Variants in GRIK1 observed in about 807,000 individuals in gnomAD.
GRIK1 encodes glutamate ionotropic receptor kainate type subunit 1, also known as glutamate receptor ionotropic, kainate 1.
GRIK1 carries 69 observed loss-of-function variants against 105.7 expected under a neutral mutation model. The ratio of observed to expected loss-of-function variants is 0.65; its 90% CI spans 0.54 to 0.80. The LOEUF (loss-of-function observed/expected upper bound fraction) is 0.80, where lower values mean the gene tolerates loss of function less well. Among genes scored for constraint, GRIK1 ranks in the 30% least tolerant of loss-of-function variants. The pLI is 0.00. For synonymous variants in GRIK1, 438 were observed against 431.3 expected, an observed-to-expected ratio of 1.02 and a Z score of -0.19; for missense variants, 1,109 against 1,167.3, an observed-to-expected ratio of 0.95 and a Z score of 0.73.
At chr21:29,871,882 A>G (rs949298855) in intron 1 of GRIK1, among the ~76,000 whole-genome samples, 2 of 148,404 alleles carry the variant, frequency 1.3e-5, no homozygotes, top group African/African-American at 5.0e-5. Flanking sequence ...TCCCACTTCA[A>G]CCTCCCAAGT....
intron 1 of GRIK1, among the ~76,000 whole-genome samples, chr21:29,840,445 A>G (rs1195101495): frequency 6.6e-6 from 1 of 152,022 alleles, no homozygotes; most frequent in African/African-American, 2.4e-5. Flanking sequence ...TTTTTTTTAC[A>G]CATAATTTTT....
intron 10 of GRIK1, among the ~76,000 whole-genome samples, chr21:29,590,110 A>G (rs2061311648): frequency 6.6e-6 from 1 of 152,332 alleles, no homozygotes; most frequent in Admixed American, 6.5e-5. Flanking sequence ...TATAAAATAT[A>G]ATAGTTGCTA....
intron 1 of GRIK1, among the ~76,000 whole-genome samples, chr21:29,745,258 A>G (rs2065022584): frequency 1.3e-5 from 2 of 152,306 alleles, no homozygotes; most frequent in Admixed American, 6.5e-5. Flanking sequence ...AGACTTGAAT[A>G]CTGTCAACAA....
At chr21:29,936,538 C>T (rs1375745053) in intron 1 of GRIK1, among the ~76,000 whole-genome samples, 1 of 152,176 alleles carries the variant, frequency 6.6e-6, no homozygotes, top group Non-Finnish European at 1.5e-5. Flanking sequence ...CCAGCAGCTC[C>T]ACACAATTCC....
intron 3 of GRIK1, 48 bp from the exon 4 acceptor site, chr21:29,673,212 A>C (rs1447783961): frequency 7.7e-7 from 1 of 1,304,220 alleles, no homozygotes; most frequent in Admixed American, 1.9e-5. Context: ...CTGTCGACAG[A>C]GTATTGTTTA....
At chr21:29,687,529 A>G (rs1319807797) in intron 3 of GRIK1, among the ~76,000 whole-genome samples, 2 of 152,184 alleles carry the variant, frequency 1.3e-5, no homozygotes, top group East Asian at 3.8e-4. Flanking sequence ...GGCAAAAATC[A>G]TTTTAACTTG....
chr21:29,901,430 C>T (rs2070403303), intron 1 of GRIK1, among the ~76,000 whole-genome samples: 1 of 151,948 alleles, frequency 6.6e-6, no homozygotes, highest in Non-Finnish European at 1.5e-5. Context: ...AGAGGAAAAT[C>T]AAATAGATGC....
rs568236881 is a variant in GRIK1, at chr21:29,809,227, C to A, written c.119-115164G>T. ...ACATAATTACTTAAGACATGTATAC[C>A]TTGGAAATATTGTGGGGTCGGTTCA... On this transcript the variant is annotated intron_variant, in intron 1 of 17. Coordinates refer to ENST00000327783, the MANE Select transcript of GRIK1 (RefSeq NM_001330994.2). Among the ~76,000 whole-genome samples the A allele has an allele frequency of 8.8e-4, 134 of 152,142 alleles. 1 individual carries two copies. Among genetic ancestry groups the A allele is most frequent in the African/African-American group, 2.9e-3 (122 of 41,514 alleles).
chr21:29,581,607 A>G, intron 12 of GRIK1, 64 bp from the exon 13 acceptor site: 1 of 915,282 alleles, frequency 1.1e-6, no homozygotes. Flanking sequence ...CAGCAAAACC[A>G]AAACCTGCTG....
At chr21:29,856,392 G>A (rs1473899395) in intron 1 of GRIK1, among the ~76,000 whole-genome samples, 1 of 152,154 alleles carries the variant, frequency 6.6e-6, no homozygotes, top group Non-Finnish European at 1.5e-5. Context: ...CAGAGAAATG[G>A]CATGTGACAT....
rs1261714916 is a variant in GRIK1 at position 29,704,294 on chromosome 21, A to G, written c.119-10231T>C. Among the ~76,000 whole-genome samples, 10 of 152,204 alleles carry G rather than the reference A, an allele frequency of 6.6e-5. No homozygotes were observed. The South Asian group carries it at 1.7e-3, about 25-fold the overall frequency. On this transcript the variant is annotated intron_variant, in intron 1 of 17. Coordinates refer to ENST00000327783, the MANE Select transcript of GRIK1 (RefSeq NM_001330994.2). Reference sequence around the variant, plus strand: ...GAGTACAGAAAAAGAAAGTAGGTATAGTAGTCAATTATTCTATCAATAAAG... The same window carrying G: ...GAGTACAGAAAAAGAAAGTAGGTATGGTAGTCAATTATTCTATCAATAAAG...
chr21:29,614,189 G>A (rs999817634), intron 7 of GRIK1, among the ~76,000 whole-genome samples: 1 of 152,202 alleles, frequency 6.6e-6, no homozygotes, highest in Admixed American at 6.5e-5. Flanking sequence ...ATATGGATCT[G>A]AAGGAGGCCT....
At chr21:29,752,514 T>C (rs1473908874) in intron 1 of GRIK1, among the ~76,000 whole-genome samples, 1 of 152,108 alleles carries the variant, frequency 6.6e-6, no homozygotes, top group Non-Finnish European at 1.5e-5. Context: ...CTTAACAATA[T>C]TGTACAAAGT....
chr21:29,603,705 T>C (rs894295505), intron 7 of GRIK1, among the ~76,000 whole-genome samples: 2 of 152,178 alleles, frequency 1.3e-5, no homozygotes, highest in African/African-American at 4.8e-5. Context: ...ACGAGAGCCA[T>C]GAAATAAGCT....
At chr21:29,560,345 TTCTTTCTTTCTTTTTCTTTCTTCCTTC>T (rs1601110734) in intron 15 of GRIK1, among the ~76,000 whole-genome samples, 6 of 111,092 alleles carry the variant, frequency 5.4e-5, no homozygotes, top group Admixed American at 3.8e-4. Context: ...CTTTCTTTCT[TTCTTTCTTTCTTTTTCTTTCTTCCTTC>T]CTTCCTTCCT....
intron 1 of GRIK1, among the ~76,000 whole-genome samples, chr21:29,734,366 C>CTTTTCTTTTCTTTTCTTT (rs1569028521): frequency 8.2e-5 from 2 of 24,276 alleles, no homozygotes; most frequent in African/African-American, 1.8e-4. Context: ...CTTTTCTTTT[C>CTTTTCTTTTCTTTTCTTT]TTTTCTTTTC....
At chr21:29,589,159 A>T in intron 10 of GRIK1, 117 bp from the exon 11 acceptor site, 2 of 646,320 alleles carry the variant, frequency 3.1e-6, no homozygotes, top group Non-Finnish European at 5.5e-6. Context: ...GAGAGTACTG[A>T]AGTCATTCAC....
At chr21:29,786,302 T>G (rs912601108) in intron 1 of GRIK1, among the ~76,000 whole-genome samples, 2 of 152,176 alleles carry the variant, frequency 1.3e-5, no homozygotes, top group African/African-American at 4.8e-5. Flanking sequence ...GTATCTTACA[T>G]GGACACTAGT....
At chr21:29,802,002 A>G (rs1358524065) in intron 1 of GRIK1, among the ~76,000 whole-genome samples, 1 of 152,174 alleles carries the variant, frequency 6.6e-6, no homozygotes, top group African/African-American at 2.4e-5. Flanking sequence ...TCTCATTCAT[A>G]TCTTGGCATT....
Sources: gnomAD v4.1 joint callset for allele counts (sites outside exome capture counted in the v4.1 genomes callset) on GRCh38, gnomAD v4.1.1 for gene constraint, MANE v1.5 for transcripts, NCBI Gene and HGNC (gene_info 2026-07-23, HGNC 2026-07-21) for gene names.